Variants in TRAPPC9 observed in about 807,000 individuals in gnomAD.
The protein encoded by TRAPPC9 is IKK2 binding protein.
In TRAPPC9, 83 loss-of-function variants were observed where a neutral mutation model predicts 124.0. The ratio of observed to expected loss-of-function variants is 0.67; its 90% CI spans 0.56 to 0.80. The LOEUF is 0.80. Among genes scored for constraint, TRAPPC9 ranks in the 30% least tolerant of loss-of-function variants. The probability of loss-of-function intolerance (pLI) is 0.00; values close to 1 mark genes in which losing one functional copy is unlikely to be tolerated. For missense variants in TRAPPC9, 1,302 were observed against 1,508.3 expected, an observed-to-expected ratio of 0.86 and a Z score of 2.27; for synonymous variants, 638 against 617.5, an observed-to-expected ratio of 1.03 and a Z score of -0.49.
rs886062721 is a variant in TRAPPC9 at position 139,730,981 on chromosome 8, C to G, written c.*80G>C. Reference sequence around the variant, plus strand: ...GGAGGAGATGGGGCTGCAGTGAAGGCCTTGCTCATTGCAGGGGGTGTGGGA... The same window carrying G: ...GGAGGAGATGGGGCTGCAGTGAAGGGCTTGCTCATTGCAGGGGGTGTGGGA... On this transcript the variant is annotated 3_prime_UTR_variant, in exon 23 of 23. Transcript: ENST00000438773. The G allele has an allele frequency of 5.1e-5, 76 of 1,497,622 alleles. No individual in the cohort carries two copies. Among genetic ancestry groups the G allele is most frequent in the Non-Finnish European group, 6.6e-5 (72 of 1,096,948 alleles). The allele number at this position is 1,497,622 out of a possible 1,614,324, so 92.8% of individuals were successfully genotyped here. A position where few individuals can be genotyped will look rare whatever the true frequency, so the allele number is the denominator to read the frequency against.
At position 140,405,717 on chromosome 8, in the gene TRAPPC9, A is replaced by T. The variant is rs768375063; in HGVS notation, c.887-19T>A. 12 of 1,614,088 alleles carry T rather than the reference A, an allele frequency of 7.4e-6. 1 individual carries two copies. The South Asian group carries it at 1.1e-4, about 15-fold the overall frequency. On this transcript the variant is annotated intron_variant, in intron 5 of 22. Coordinates refer to ENST00000438773, the MANE Select transcript of TRAPPC9 (RefSeq NM_001160372.4). ...AGGGCACCTGCAAACCAAGAGGAAG[A>T]AAAGAAATAATCTTTTGCTTTTTCT...
chr8:139,987,255 T>C (rs768682078), intron 19 of TRAPPC9, among the ~76,000 whole-genome samples: 1 of 152,210 alleles, frequency 6.6e-6, no homozygotes, highest in Non-Finnish European at 1.5e-5. Flanking sequence ...TATCCTTAAA[T>C]AAATAACTAG....
At chr8:140,025,585 AG>A (rs1840095180) in intron 17 of TRAPPC9, among the ~76,000 whole-genome samples, 1 of 151,848 alleles carries the variant, frequency 6.6e-6, no homozygotes. Flanking sequence ...AAAAAAGAAA[AG>A]AAAAAGGAAA....
chr8:139,889,013 ATC>A (rs2131138471), intron 20 of TRAPPC9, among the ~76,000 whole-genome samples: 1 of 152,320 alleles, frequency 6.6e-6, no homozygotes, highest in South Asian at 2.1e-4. Context: ...CACTGCAGTG[ATC>A]TTCACAATAG....
intron 17 of TRAPPC9, among the ~76,000 whole-genome samples, chr8:140,172,957 T>C (rs1467230189): frequency 1.3e-5 from 2 of 152,134 alleles, no homozygotes; most frequent in Non-Finnish European, 2.9e-5. Flanking sequence ...GGGAAGATAC[T>C]GAAGCTGGTG....
chr8:139,968,230 T>C (rs1295569214), intron 19 of TRAPPC9, among the ~76,000 whole-genome samples: 1 of 152,118 alleles, frequency 6.6e-6, no homozygotes, highest in Non-Finnish European at 1.5e-5. Flanking sequence ...TGCTCTTTCA[T>C]TACGTAAAGC....
At chr8:140,389,022 A>G (rs1311827648) in intron 7 of TRAPPC9, among the ~76,000 whole-genome samples, 1 of 134,988 alleles carries the variant, frequency 7.4e-6, no homozygotes, top group East Asian at 2.4e-4. Context: ...CAATGGCGCG[A>G]TCTCAGCTCA....
chr8:140,295,243 C>T (rs147871669), intron 11 of TRAPPC9, among the ~76,000 whole-genome samples: 2 of 152,296 alleles, frequency 1.3e-5, no homozygotes, highest in African/African-American at 2.4e-5. Flanking sequence ...ATAACTGCTA[C>T]CAAAAATGTT....
chr8:140,245,653 C>T (rs2131461215), intron 16 of TRAPPC9, among the ~76,000 whole-genome samples: 1 of 152,204 alleles, frequency 6.6e-6, no homozygotes, highest in South Asian at 2.1e-4. Flanking sequence ...TTGAGAGAAC[C>T]AATTCATGGA....
At chr8:140,286,603 G>T (rs2065490360) in intron 13 of TRAPPC9, among the ~76,000 whole-genome samples, 2 of 152,150 alleles carry the variant, frequency 1.3e-5, no homozygotes, top group Admixed American at 1.3e-4. Flanking sequence ...CGAGGGTCAG[G>T]ATGACCCCCA....
chr8:140,424,968 G>A (rs937870284), intron 5 of TRAPPC9, among the ~76,000 whole-genome samples: 1 of 152,158 alleles, frequency 6.6e-6, no homozygotes, highest in Non-Finnish European at 1.5e-5. Context: ...TGGGTTTTCC[G>A]GGAGCTGAAC....
At chr8:140,439,236 A>G (rs754328302) in intron 2 of TRAPPC9, 39 bp from the exon 3 acceptor site, 15 of 1,607,596 alleles carry the variant, frequency 9.3e-6, no homozygotes, top group Non-Finnish European at 1.1e-5. Flanking sequence ...TTACTATACA[A>G]CTCCCACCCA....
intron 18 of TRAPPC9, among the ~76,000 whole-genome samples, chr8:140,019,246 T>TATTG (rs1839671530): frequency 7.9e-6 from 1 of 126,008 alleles, no homozygotes; most frequent in Non-Finnish European, 1.6e-5. Flanking sequence ...TACATGAGGT[T>TATTG]ATTGGTCTAC....
At chr8:140,015,128 C>A (rs1839379784) in intron 18 of TRAPPC9, among the ~76,000 whole-genome samples, 1 of 152,210 alleles carries the variant, frequency 6.6e-6, no homozygotes, top group South Asian at 2.1e-4. Context: ...TATTTGGCTT[C>A]TATTTGCACC....
chr8:140,093,948 T>C (rs1361424236), intron 17 of TRAPPC9, among the ~76,000 whole-genome samples: 1 of 152,170 alleles, frequency 6.6e-6, no homozygotes, highest in Non-Finnish European at 1.5e-5. Context: ...TTATGAAGTC[T>C]AACGAAGTTC....
intron 17 of TRAPPC9, among the ~76,000 whole-genome samples, chr8:140,088,652 TACAGTTGAAC>T (rs2130131854): frequency 6.6e-6 from 1 of 152,364 alleles, no homozygotes; most frequent in African/African-American, 2.4e-5. Flanking sequence ...ATGTGACATA[TACAGTTGAAC>T]AATACAACTA....
chr8:139,769,246 A>G (rs1349684635), intron 21 of TRAPPC9, among the ~76,000 whole-genome samples: 1 of 152,252 alleles, frequency 6.6e-6, no homozygotes, highest in Non-Finnish European at 1.5e-5. Flanking sequence ...TACCTATGAT[A>G]AAGTTTAACT....
intron 19 of TRAPPC9, among the ~76,000 whole-genome samples, chr8:139,951,878 A>C (rs1232915749): frequency 3.3e-5 from 5 of 152,250 alleles, no homozygotes; most frequent in Admixed American, 2.6e-4. Context: ...CAGCAGGTGA[A>C]TATACCTTCT....
At chr8:140,276,011 T>A (rs1237932210) in intron 14 of TRAPPC9, among the ~76,000 whole-genome samples, 190 bp from the exon 15 acceptor site, 1 of 152,200 alleles carries the variant, frequency 6.6e-6, no homozygotes, top group Non-Finnish European at 1.5e-5. Flanking sequence ...ACATGCCTCA[T>A]GCTTTCCTCA....
Sources: allele counts gnomAD v4.1 joint callset (sites outside exome capture counted in the v4.1 genomes callset), GRCh38; gene constraint gnomAD v4.1.1; transcripts MANE v1.5; gene names NCBI Gene and HGNC (gene_info 2026-07-23, HGNC 2026-07-21).